NAV3: variants seen among roughly 807,000 people sequenced by gnomAD.
NAV3 encodes neuron navigator 3, also known as pore membrane and/or filament interacting like protein 1.
Under a neutral mutation model 244.7 loss-of-function variants are expected in NAV3, and 87 were observed. That is an observed-to-expected ratio of 0.36 (90% confidence interval 0.30 to 0.42). NAV3 has a LOEUF of 0.42. NAV3 is among the 20% of genes least tolerant of loss of function. NAV3 has a pLI of 1.00. For synonymous variants in NAV3, 1,126 were observed against 1,042.2 expected, an observed-to-expected ratio of 1.08 and a Z score of -1.55; for missense variants, 2,663 against 2,893.3, an observed-to-expected ratio of 0.92 and a Z score of 1.83.
At chr12:78,161,835 T>C (rs1448665735) in intron 23 of NAV3, among the ~76,000 whole-genome samples, 2 of 152,126 alleles carry the variant, frequency 1.3e-5, no homozygotes, top group Admixed American at 1.3e-4. Context: ...TAAAATTATT[T>C]GCAATGTGAA....
At chr12:77,813,278 C>T (rs996307065) in intron 2 of NAV3, among the ~76,000 whole-genome samples, 5 of 152,224 alleles carry the variant, frequency 3.3e-5, no homozygotes, top group Middle Eastern at 3.4e-3. Flanking sequence ...ATTGTACACT[C>T]ATTTTACTTT....
At chr12:77,917,297 AC>A (rs993853186) in intron 1 of NAV3, among the ~76,000 whole-genome samples, 50 of 152,130 alleles carry the variant, frequency 3.3e-4, no homozygotes, top group Non-Finnish European at 5.7e-4. Context: ...GGTATGAATT[AC>A]CAGAACCAGG....
intron 1 of NAV3, among the ~76,000 whole-genome samples, chr12:77,863,312 T>A (rs1879527548): frequency 6.6e-6 from 1 of 151,872 alleles, no homozygotes; most frequent in Non-Finnish European, 1.5e-5. Context: ...TATTTGAAAT[T>A]GTAGAAGTTC....
chr12:77,596,021 T>C (rs186718870), intron 2 of NAV3, among the ~76,000 whole-genome samples: 74 of 152,314 alleles, frequency 4.9e-4, no homozygotes, highest in Admixed American at 8.5e-4. Context: ...CTTATACTTG[T>C]CATTCAATTA....
chr12:78,145,525 C>G (rs415406), intron 20 of NAV3, among the ~76,000 whole-genome samples: 52,548 of 152,116 alleles, frequency 0.35, 9,354 homozygotes, highest in East Asian at 0.48. Context: ...TATTCAACAA[C>G]ATTATGCATT....
intron 5 of NAV3, among the ~76,000 whole-genome samples, chr12:77,994,084 G>A (rs1485580647): frequency 1.3e-5 from 2 of 152,234 alleles, no homozygotes; most frequent in Non-Finnish European, 2.9e-5. Context: ...TTTCTTGTGT[G>A]CCTTTGAACA....
chr12:77,836,558 C>G (rs375748485), intron 1 of NAV3, among the ~76,000 whole-genome samples: 1 of 119,374 alleles, frequency 8.4e-6, no homozygotes, highest in African/African-American at 6.3e-5. Context: ...GAGAAATAAA[C>G]AGAGAGAGTA....
At chr12:77,743,110 A>G (rs1868370789) in intron 2 of NAV3, among the ~76,000 whole-genome samples, 1 of 152,008 alleles carries the variant, frequency 6.6e-6, no homozygotes, top group Admixed American at 6.6e-5. Context: ...CATCTTGTAA[A>G]CAGACAATAT....
At chr12:78,111,523 C>T (rs1040371046) in intron 12 of NAV3, among the ~76,000 whole-genome samples, 16 of 152,120 alleles carry the variant, frequency 1.1e-4, no homozygotes, top group Middle Eastern at 3.4e-3. Context: ...TGTTCGACAT[C>T]GTTAGTCATC....
At chr12:77,883,789 G>T (rs1467940780) in intron 1 of NAV3, among the ~76,000 whole-genome samples, 3 of 151,976 alleles carry the variant, frequency 2.0e-5, no homozygotes, top group African/African-American at 7.3e-5. Context: ...ATCACCAGTT[G>T]TTACTCTATT....
At chr12:77,769,974 T>G (rs548925998) in intron 2 of NAV3, among the ~76,000 whole-genome samples, 1 of 152,314 alleles carries the variant, frequency 6.6e-6, no homozygotes, top group South Asian at 2.1e-4. Context: ...ATGTTAAATT[T>G]ATAGGTCAGA....
At chr12:77,862,306 G>T (rs2136346010) in intron 1 of NAV3, among the ~76,000 whole-genome samples, 1 of 151,936 alleles carries the variant, frequency 6.6e-6, no homozygotes, top group South Asian at 2.1e-4. Flanking sequence ...AGTTTGGTGT[G>T]ACGTTTTAAT....
chr12:77,893,815 C>T (rs1037728286), intron 1 of NAV3, among the ~76,000 whole-genome samples: 3 of 152,196 alleles, frequency 2.0e-5, no homozygotes, highest in Admixed American at 6.5e-5. Context: ...AGAGAAATAT[C>T]TTCAAGTTGC....
intron 1 of NAV3, among the ~76,000 whole-genome samples, chr12:77,852,538 CATAAATAAATAAATAAATAA>C (rs754155678): frequency 1.3e-5 from 2 of 151,218 alleles, no homozygotes; most frequent in African/African-American, 4.9e-5. Context: ...GACTCCCTCT[CATAAATAAATAAATAAATAA>C]ATAAATAAAT....
At chr12:77,693,792 G>A (rs983382626) in intron 2 of NAV3, among the ~76,000 whole-genome samples, 8 of 152,136 alleles carry the variant, frequency 5.3e-5, no homozygotes, top group African/African-American at 1.4e-4. Context: ...CTTCTCTCAA[G>A]TCATCGTGCT....
At chr12:77,961,288 C>A (rs1278488562) in intron 3 of NAV3, among the ~76,000 whole-genome samples, 2 of 63,642 alleles carry the variant, frequency 3.1e-5, no homozygotes, top group African/African-American at 3.7e-5. Flanking sequence ...ATGACATATG[C>A]AATATACACA....
intron 19 of NAV3, among the ~76,000 whole-genome samples, chr12:78,137,672 T>C (rs867925251): frequency 1.1e-4 from 16 of 152,266 alleles, no homozygotes; most frequent in Middle Eastern, 3.4e-3. Context: ...TCAGAGCAAA[T>C]GTTTTGTTTG....
At chr12:77,912,525 T>C (rs551764836) in intron 1 of NAV3, among the ~76,000 whole-genome samples, 2 of 152,306 alleles carry the variant, frequency 1.3e-5, no homozygotes, top group South Asian at 2.1e-4. Context: ...GATCTACATA[T>C]ACACATTTGT....
At chr12:78,039,057 A>AT (rs796091596) in intron 9 of NAV3, among the ~76,000 whole-genome samples, 1 of 151,968 alleles carries the variant, frequency 6.6e-6, no homozygotes, top group African/African-American at 2.4e-5. Context: ...CTGTTTAAGT[A>AT]TTTTTTTTCC....
Sources: gnomAD v4.1 joint callset for allele counts (sites outside exome capture counted in the v4.1 genomes callset) on GRCh38, gnomAD v4.1.1 for gene constraint, MANE v1.5 for transcripts, NCBI Gene and HGNC (gene_info 2026-07-23, HGNC 2026-07-21) for gene names.